Variants in SYT1 observed in about 807,000 individuals in gnomAD.
SYT1 encodes synaptotagmin-1.
A neutral mutation model predicts 44.8 loss-of-function variants in SYT1; 8 were observed. That is an observed-to-expected ratio of 0.18 (90% CI 0.10 to 0.32). The LOEUF is 0.32. Among genes scored for constraint, SYT1 ranks in the 10% least tolerant of loss-of-function variants. SYT1 has a pLI of 1.00. For synonymous variants in SYT1, 154 were observed against 188.8 expected (o/e 0.82, Z 1.51); for missense variants, 286 against 509.3 (o/e 0.56, Z 4.22).
intron 2 of SYT1, among the ~76,000 whole-genome samples, chr12:79,022,908 G>GT (rs1458843731): frequency 6.6e-6 from 1 of 151,718 alleles, no homozygotes; most frequent in Non-Finnish European, 1.5e-5. Flanking sequence ...AAATCTCTGT[G>GT]TACCTTAGTT....
At chr12:79,273,266 C>A (rs1878532122) in intron 4 of SYT1, among the ~76,000 whole-genome samples, 2 of 151,876 alleles carry the variant, frequency 1.3e-5, no homozygotes, top group Non-Finnish European at 2.9e-5. Context: ...CAGGTATGCA[C>A]AACATCCAGC....
intron 3 of SYT1, among the ~76,000 whole-genome samples, chr12:79,074,655 C>A (rs563433693): frequency 4.6e-5 from 7 of 152,290 alleles, no homozygotes; most frequent in Non-Finnish European, 7.4e-5. Context: ...ATGTCAGCCT[C>A]TCAGACTCCT....
At chr12:79,202,829 C>T (rs1024931363) in intron 3 of SYT1, among the ~76,000 whole-genome samples, 1 of 152,124 alleles carries the variant, frequency 6.6e-6, no homozygotes, top group African/African-American at 2.4e-5. Context: ...CAGCTTAAAC[C>T]AATCGCAAAA....
chr12:79,394,829 A>G (rs982866372), intron 9 of SYT1, among the ~76,000 whole-genome samples: 3 of 152,200 alleles, frequency 2.0e-5, no homozygotes, highest in East Asian at 1.9e-4. Flanking sequence ...TAATCTTCCA[A>G]TGAAATAGCT....
chr12:79,451,019 T>C lies in SYT1; in HGVS notation c.*1895T>C, dbSNP rs1188536925. 6.6e-6 allele frequency: 1 copy of C among 152,380 alleles called. No individual in the cohort carries two copies. The highest frequency in any genetic ancestry group is 1.5e-5 in the Non-Finnish European group (1 of 68,048). The allele number at this position is 152,380 out of a possible 1,614,324, so 9.4% of individuals were successfully genotyped here. A position where few individuals can be genotyped will look rare whatever the true frequency, so the allele number is the denominator to read the frequency against. ...GGAGGAAAACTAAGCATTGGCCTCA[T>C]GTTCAGTCTTCAGGATATCACACCA... On this transcript the variant is annotated 3_prime_UTR_variant, in exon 11 of 11. Coordinates refer to ENST00000261205, the MANE Select transcript of SYT1 (RefSeq NM_005639.3).
In SYT1 at chr12:79,349,118, GGAGGAAGGTAGGAAGGAA is replaced by G. The variant is rs532241201; in HGVS notation, c.811-4375_811-4358del. The stretch of plus-strand genomic sequence containing the variant: ...GGAAGGACGGACAAACAGGAGGAAG[GGAGGAAGGTAGGAAGGAA>G]GAGGAAGGAAGGAAGAAAAGGGGAA... On this transcript the variant is annotated intron_variant, in intron 8 of 10. Transcript: ENST00000261205. 5.4e-3 allele frequency among the ~76,000 whole-genome samples: 809 copies of G among 150,458 alleles called. 11 individuals are homozygous for G. Among genetic ancestry groups the G allele is most frequent in the African/African-American group, 0.019 (779 of 40,852 alleles).
chr12:79,279,835 C>T (rs912124830), intron 4 of SYT1, among the ~76,000 whole-genome samples: 1 of 151,992 alleles, frequency 6.6e-6, no homozygotes, highest in Non-Finnish European at 1.5e-5. Flanking sequence ...AGTACCACTG[C>T]TATATGCCAA....
chr12:79,035,372 T>A (rs1037521838), intron 2 of SYT1, among the ~76,000 whole-genome samples: 1 of 151,750 alleles, frequency 6.6e-6, no homozygotes, highest in African/African-American at 2.4e-5. Context: ...TCCATCCTTA[T>A]AGGAAATGTG....
At chr12:79,349,696 CT>C (rs945142079) in intron 8 of SYT1, among the ~76,000 whole-genome samples, 5 of 152,070 alleles carry the variant, frequency 3.3e-5, no homozygotes, top group African/African-American at 1.2e-4. Context: ...TCCAAGAACC[CT>C]TTTAGTCCCC....
At chr12:79,330,362 C>T (rs1217925804) in intron 8 of SYT1, among the ~76,000 whole-genome samples, 1 of 152,204 alleles carries the variant, frequency 6.6e-6, no homozygotes, top group Non-Finnish European at 1.5e-5. Flanking sequence ...TCCAGATCAG[C>T]ACCTTGTGCT....
At chr12:79,106,509 T>C (rs1878727494) in intron 3 of SYT1, among the ~76,000 whole-genome samples, 1 of 152,030 alleles carries the variant, frequency 6.6e-6, no homozygotes, top group South Asian at 2.1e-4. Flanking sequence ...ATGCTTTTTT[T>C]TTTTTTGCTC....
chr12:79,080,562 T>G (rs1876961433), intron 3 of SYT1, among the ~76,000 whole-genome samples: 1 of 151,994 alleles, frequency 6.6e-6, no homozygotes, highest in Admixed American at 6.6e-5. Flanking sequence ...TACATTTTCT[T>G]CAATCTTTAA....
At chr12:79,062,295 C>T (rs1875448364) in intron 3 of SYT1, among the ~76,000 whole-genome samples, 1 of 152,104 alleles carries the variant, frequency 6.6e-6, no homozygotes, top group Non-Finnish European at 1.5e-5. Context: ...TGAGAGTGTC[C>T]TATTGATTCA....
chr12:79,081,152 A>G (rs920385074), intron 3 of SYT1, among the ~76,000 whole-genome samples: 1 of 152,122 alleles, frequency 6.6e-6, no homozygotes. Context: ...GTTATATCAA[A>G]AGCTATTGTG....
intron 8 of SYT1, among the ~76,000 whole-genome samples, chr12:79,353,275 T>C (rs1248087759): frequency 6.6e-6 from 1 of 151,994 alleles, no homozygotes; most frequent in Non-Finnish European, 1.5e-5. Flanking sequence ...CATTAAAGTA[T>C]AGATGATCTT....
intron 4 of SYT1, among the ~76,000 whole-genome samples, chr12:79,263,048 C>G (rs1877919183): frequency 6.6e-6 from 1 of 152,164 alleles, no homozygotes; most frequent in Admixed American, 6.5e-5. Flanking sequence ...CTTACTGCCC[C>G]CTCTGCAATG....
intron 9 of SYT1, among the ~76,000 whole-genome samples, chr12:79,370,848 G>A (rs1883757442): frequency 1.3e-5 from 2 of 151,946 alleles, no homozygotes; most frequent in South Asian, 4.2e-4. Context: ...CCATAGGTTA[G>A]GGAATTAACC....
chr12:79,421,434 A>G (rs1224844483), intron 9 of SYT1, among the ~76,000 whole-genome samples: 2 of 152,086 alleles, frequency 1.3e-5, no homozygotes, highest in African/African-American at 4.8e-5. Context: ...TTGTTCAAGG[A>G]ACACCTCACT....
intron 3 of SYT1, among the ~76,000 whole-genome samples, chr12:79,081,248 C>T (rs917161786): frequency 5.9e-5 from 9 of 152,148 alleles, no homozygotes; most frequent in Non-Finnish European, 1.5e-5. Flanking sequence ...TGTCTTCTCC[C>T]CTTCCAGAGT....
Sources: allele counts gnomAD v4.1 joint callset (sites outside exome capture counted in the v4.1 genomes callset), GRCh38; gene constraint gnomAD v4.1.1; transcripts MANE v1.5; gene names NCBI Gene and HGNC (gene_info 2026-07-23, HGNC 2026-07-21).